The following TMEM178B variants were observed in gnomAD, a reference collection of about 807,000 sequenced individuals.
TMEM178B encodes transmembrane protein 178B.
Under a neutral mutation model 31.0 loss-of-function variants are expected in TMEM178B, and 5 were observed. The ratio of observed to expected loss-of-function variants is 0.16; its 90% CI spans 0.08 to 0.34. The LOEUF is 0.34. Ranked by LOEUF, TMEM178B falls within the 10% of genes least tolerant of loss-of-function variation. TMEM178B has a pLI of 1.00. For missense variants in TMEM178B, 275 were observed against 400.3 expected (o/e 0.69, Z 2.67); for synonymous variants, 164 against 164.0 (o/e 1.00, Z 0.00).
chr7:141,320,457 A>G (rs140533531), intron 2 of TMEM178B, among the ~76,000 whole-genome samples: 2 of 152,248 alleles, frequency 1.3e-5, no homozygotes, highest in Non-Finnish European at 2.9e-5. Context: ...AAGCAGAAAC[A>G]TGACTCAGGA....
intron 2 of TMEM178B, among the ~76,000 whole-genome samples, chr7:141,311,051 G>T (rs1367459201): frequency 6.6e-6 from 1 of 152,222 alleles, no homozygotes; most frequent in Non-Finnish European, 1.5e-5. Flanking sequence ...CACAGGAACA[G>T]AAAAACAAAC....
intron 1 of TMEM178B, among the ~76,000 whole-genome samples, chr7:141,128,938 A>G (rs867113630): frequency 6.6e-6 from 1 of 152,192 alleles, no homozygotes; most frequent in Non-Finnish European, 1.5e-5. Flanking sequence ...TATATTACCC[A>G]TATTGCTCCT....
the TMEM178B span, among the ~76,000 whole-genome samples, chr7:141,497,837 A>G: frequency 3.9e-5 from 6 of 152,338 alleles, no homozygotes; most frequent in Admixed American, 3.9e-4. Context: ...AACATCTTCA[A>G]ACTGGAAGGA....
At chr7:141,351,067 G>A (rs2116529464) in intron 2 of TMEM178B, among the ~76,000 whole-genome samples, 1 of 152,346 alleles carries the variant, frequency 6.6e-6, no homozygotes, top group African/African-American at 2.4e-5. Flanking sequence ...TGTTAGCAGT[G>A]TGACAACTAA....
intron 2 of TMEM178B, among the ~76,000 whole-genome samples, chr7:141,356,672 A>G (rs1052669721): frequency 1.3e-5 from 2 of 151,264 alleles, no homozygotes; most frequent in African/African-American, 4.9e-5. Context: ...TCTCTGCCTC[A>G]GGATGAGCTG....
In TMEM178B at chr7:141,344,531, TG is replaced by T. The variant is rs1563157348; in HGVS notation, c.497-93074del. 6.6e-6 allele frequency among the ~76,000 whole-genome samples: 1 copy of T among 152,156 alleles called. No homozygotes were observed. Among genetic ancestry groups the T allele is most frequent in the Admixed American group, 6.6e-5 (1 of 15,262 alleles). On this transcript the variant is annotated intron_variant, in intron 2 of 3. Transcript: ENST00000565468. This position sits in a 1 kb window ranked among gnomAD's most constrained non-coding sequence, Gnocchi z 4.1. The stretch of plus-strand genomic sequence containing the variant: ...ATGTAATTTTAAGACTTTTTAAAGC[TG>T]GGATTTTAGTTTCTCCCTCCCTCCC...
chr7:141,500,912 G>GA, the TMEM178B span, among the ~76,000 whole-genome samples: 1 of 152,094 alleles, frequency 6.6e-6, no homozygotes, highest in East Asian at 1.9e-4. Flanking sequence ...AGCTCGATTG[G>GA]AAATTCTATT....
In TMEM178B at chr7:141,258,010, GT is replaced by G. The variant is rs577881112; in HGVS notation, c.496+45313del. ...AAAAATTTTCCCTGTATTTTATTGT[GT>G]TTTTTTAGTAGTTTCTCTAGAGAGT... On this transcript the variant is annotated intron_variant, in intron 2 of 3. Coordinates refer to ENST00000565468, the MANE Select transcript of TMEM178B (RefSeq NM_001195278.2). Among the ~76,000 whole-genome samples the G allele has an allele frequency of 6.6e-5, 10 of 151,362 alleles. No homozygotes were observed. The South Asian group carries it at 1.0e-3, about 16-fold the overall frequency.
intron 1 of TMEM178B, among the ~76,000 whole-genome samples, chr7:141,088,417 C>A (rs904605899): frequency 6.6e-6 from 1 of 152,086 alleles, no homozygotes; most frequent in African/African-American, 2.4e-5. Flanking sequence ...ATTCTTATTC[C>A]TTCTTCTTTG....
chr7:141,325,856 G>A (rs1332429266), intron 2 of TMEM178B, among the ~76,000 whole-genome samples: 2 of 152,162 alleles, frequency 1.3e-5, no homozygotes, highest in African/African-American at 4.8e-5. Context: ...ATGGAGCTCA[G>A]TCATAAATAG....
At chr7:141,229,088 A>ATG (rs1179402147) in intron 2 of TMEM178B, among the ~76,000 whole-genome samples, 8 of 87,294 alleles carry the variant, frequency 9.2e-5, no homozygotes, top group African/African-American at 2.6e-4. Context: ...TTGCAAAATG[A>ATG]TGTGTGTGTG....
intron 2 of TMEM178B, among the ~76,000 whole-genome samples, chr7:141,244,390 G>A (rs893735927): frequency 2.6e-5 from 4 of 152,242 alleles, no homozygotes; most frequent in African/African-American, 9.6e-5. Flanking sequence ...CTTGAAGGTA[G>A]CTATGACTGG....
chr7:141,503,149 G>C, the TMEM178B span, among the ~76,000 whole-genome samples: 1 of 152,166 alleles, frequency 6.6e-6, no homozygotes, highest in Admixed American at 6.5e-5. Context: ...GTTGCCCATT[G>C]AATACTCATT....
intron 2 of TMEM178B, among the ~76,000 whole-genome samples, chr7:141,237,205 A>G (rs536999842): frequency 3.3e-5 from 5 of 152,246 alleles, no homozygotes; most frequent in South Asian, 2.1e-4. Flanking sequence ...GGCAATATTT[A>G]TCACAAGTCT....
chr7:141,193,386 C>T (rs542333192), intron 1 of TMEM178B, among the ~76,000 whole-genome samples: 3 of 152,212 alleles, frequency 2.0e-5, no homozygotes, highest in Non-Finnish European at 2.9e-5. Context: ...CTAAGGGACC[C>T]CTGGAGTCAT....
chr7:141,260,411 AT>A (rs56381439), intron 2 of TMEM178B, among the ~76,000 whole-genome samples: 102,984 of 151,680 alleles, frequency 0.68, 36,371 homozygotes, highest in African/African-American at 0.87. Context: ...AACTTTTTAT[AT>A]TTTTTTTTGA....
At chr7:141,110,088 G>A (rs1795210373) in intron 1 of TMEM178B, among the ~76,000 whole-genome samples, 2 of 152,130 alleles carry the variant, frequency 1.3e-5, no homozygotes, top group South Asian at 4.1e-4. Flanking sequence ...TACATGGTAG[G>A]AAAAGTAATG....
chr7:141,233,484 G>A (rs572495755), intron 2 of TMEM178B, among the ~76,000 whole-genome samples: 28 of 152,190 alleles, frequency 1.8e-4, no homozygotes, highest in African/African-American at 6.3e-4. Flanking sequence ...ATAGTCCACC[G>A]TAAGCTCTTC....
the TMEM178B span, among the ~76,000 whole-genome samples, chr7:141,486,552 T>C: frequency 6.6e-6 from 1 of 151,348 alleles, no homozygotes; most frequent in Non-Finnish European, 1.5e-5. Flanking sequence ...ACTCCTTAGC[T>C]TTTGGTCCCT....
Sources: gnomAD v4.1 joint callset for allele counts (sites outside exome capture counted in the v4.1 genomes callset) on GRCh38, gnomAD v4.1.1 for gene constraint, Gnocchi (gnomAD v3.1) non-coding constraint, MANE v1.5 for transcripts, NCBI Gene and HGNC (gene_info 2026-07-23, HGNC 2026-07-21) for gene names.